The following ARHGAP6 variants were observed in gnomAD, a reference collection of about 807,000 sequenced individuals.
ARHGAP6 encodes rho GTPase-activating protein 6.
A neutral mutation model predicts 55.7 loss-of-function variants in ARHGAP6; 16 were observed. The observed-to-expected ratio is 0.29, with a 90% confidence interval of 0.19 to 0.44. The LOEUF is 0.44. ARHGAP6 is among the 20% of genes least tolerant of loss of function. ARHGAP6 has a pLI of 1.00. For synonymous variants in ARHGAP6, 382 were observed against 360.9 expected (o/e 1.06, Z -0.66); for missense variants, 698 against 808.9 (o/e 0.86, Z 1.66).
At chrX:11,514,156 T>A (rs1457217069) in intron 1 of ARHGAP6, among the ~76,000 whole-genome samples, 1 of 49,260 alleles carries the variant, frequency 2.0e-5, no homozygotes. Context: ...AGTGAAACCC[T>A]GTCTCAAAAA....
intron 10 of ARHGAP6, among the ~76,000 whole-genome samples, chrX:11,149,444 T>C (rs756306647): frequency 9.1e-6 from 1 of 110,018 alleles, no homozygotes; most frequent in South Asian, 4.1e-4. Flanking sequence ...AAAGACTTTC[T>C]TGAATGGAGT....
intron 1 of ARHGAP6, among the ~76,000 whole-genome samples, chrX:11,551,788 C>A (rs1173026139): frequency 2.3e-4 from 26 of 111,626 alleles, no homozygotes; most frequent in Admixed American, 2.1e-3. Flanking sequence ...CATCTACAAG[C>A]TAAATGATGC....
At chrX:11,546,015 G>A (rs1326478707) in intron 1 of ARHGAP6, among the ~76,000 whole-genome samples, 2 of 110,496 alleles carry the variant, frequency 1.8e-5, no homozygotes, top group African/African-American at 3.3e-5. Flanking sequence ...TTGAAGTCCT[G>A]CCTTCAAAAT....
chrX:11,265,312 C>A (rs1276740767), intron 1 of ARHGAP6, among the ~76,000 whole-genome samples: 2 of 112,250 alleles, frequency 1.8e-5, no homozygotes, highest in Admixed American at 1.9e-4. Context: ...TTTATCACAG[C>A]CACAGCAACT....
At chrX:11,170,992 C>T (rs1413050571) in intron 8 of ARHGAP6, among the ~76,000 whole-genome samples, 1 of 110,998 alleles carries the variant, frequency 9.0e-6, no homozygotes, top group African/African-American at 3.3e-5. Context: ...GATGTCCCAG[C>T]TAAGAGTCAT....
chrX:11,392,041 C>T (rs2049413828), intron 1 of ARHGAP6, among the ~76,000 whole-genome samples: 1 of 112,019 alleles, frequency 8.9e-6, no homozygotes, highest in Non-Finnish European at 1.9e-5. Flanking sequence ...AGAAGCATTC[C>T]TCAAATAAGG....
intron 1 of ARHGAP6, among the ~76,000 whole-genome samples, chrX:11,472,882 TG>T (rs767035387): frequency 9.0e-6 from 1 of 110,864 alleles, no homozygotes; most frequent in Admixed American, 9.6e-5. Flanking sequence ...TATATTCTGC[TG>T]GAGATCCACC....
At chrX:11,598,545 T>A (rs777963524) in intron 1 of ARHGAP6, among the ~76,000 whole-genome samples, 2 of 111,525 alleles carry the variant, frequency 1.8e-5, no homozygotes, top group South Asian at 7.7e-4. Flanking sequence ...TCTTCCCATG[T>A]TTATGTCCAT....
chrX:11,140,436 TAAA>T (rs749318989), intron 12 of ARHGAP6, among the ~76,000 whole-genome samples: 80 of 93,722 alleles, frequency 8.5e-4, no homozygotes, highest in African/African-American at 3.0e-3. Flanking sequence ...AAAAAAAAAT[TAAA>T]AAAAAAAAAC....
At position 11,139,259 on chromosome X, in the gene ARHGAP6, C is replaced by G; in HGVS notation, c.2529G>C (p.Leu843=). 2 of 1,196,689 alleles carry G rather than the reference C, an allele frequency of 1.7e-6. No individual in the cohort carries two copies. The highest frequency in any genetic ancestry group is 2.3e-6 in the Non-Finnish European group (2 of 888,665). The change falls in exon 13 of 13, where the codon CTG becomes CTC. Residue 843 remains leucine (L), a synonymous_variant. Coordinates refer to ENST00000337414, the MANE Select transcript of ARHGAP6 (RefSeq NM_013427.3). ...PTARSEQYLT[L]SGAHDLSESE... is the part of the protein sequence containing the mutation. ...TCTCGCTGAGGTCGTGGGCGCCGCT[C>G]AGGGTCAAGTACTGCTCCGACCTGG...
At chrX:11,504,910 G>A (rs1028907576) in intron 1 of ARHGAP6, among the ~76,000 whole-genome samples, 2 of 112,318 alleles carry the variant, frequency 1.8e-5, no homozygotes, top group Non-Finnish European at 3.8e-5. Flanking sequence ...CTTCCTTTTT[G>A]TACTTCTCCT....
intron 2 of ARHGAP6, among the ~76,000 whole-genome samples, chrX:11,251,527 G>T (rs1243663035): frequency 1.8e-5 from 2 of 111,961 alleles, no homozygotes; most frequent in Non-Finnish European, 3.8e-5. Flanking sequence ...ACAGGAGAGG[G>T]TTCTACAAAT....
chrX:11,618,168 A>T (rs2052187338), intron 1 of ARHGAP6, among the ~76,000 whole-genome samples: 1 of 111,478 alleles, frequency 9.0e-6, no homozygotes, highest in Non-Finnish European at 1.9e-5. Context: ...GCTGGAATAG[A>T]CAGTGGAACA....
At chrX:11,208,019 G>C (rs753731602) in intron 2 of ARHGAP6, among the ~76,000 whole-genome samples, 51 of 111,920 alleles carry the variant, frequency 4.6e-4, no homozygotes, top group Non-Finnish European at 2.1e-4. Context: ...AAGGGGCTTT[G>C]ATTTCCAATT....
chrX:11,303,407 C>G (rs777883304), intron 1 of ARHGAP6, among the ~76,000 whole-genome samples: 1 of 111,924 alleles, frequency 8.9e-6, no homozygotes, highest in East Asian at 2.8e-4. Context: ...TAAGATTGGG[C>G]TGGGAGTGGT....
intron 2 of ARHGAP6, among the ~76,000 whole-genome samples, chrX:11,239,934 T>G (rs1169282623): frequency 8.9e-6 from 1 of 112,203 alleles, no homozygotes; most frequent in Non-Finnish European, 1.9e-5. Flanking sequence ...ATTTCTCACT[T>G]TGAGGGCTTT....
chrX:11,202,389 C>T (rs1454002991), intron 2 of ARHGAP6, among the ~76,000 whole-genome samples: 1 of 110,915 alleles, frequency 9.0e-6, no homozygotes, highest in African/African-American at 3.3e-5. Flanking sequence ...ATCCATAGGA[C>T]CCTGGTGTGA....
At chrX:11,653,241 C>T in intron 1 of ARHGAP6, among the ~76,000 whole-genome samples, 1 of 112,384 alleles carries the variant, frequency 8.9e-6, no homozygotes, top group South Asian at 3.7e-4. Context: ...GGAATGAAGG[C>T]AGCCCCTTGG....
At chrX:11,260,329 G>A (rs779272658) in intron 1 of ARHGAP6, among the ~76,000 whole-genome samples, 1 of 111,286 alleles carries the variant, frequency 9.0e-6, no homozygotes, top group African/African-American at 3.3e-5. Flanking sequence ...GTAAGGGGGA[G>A]CATTAGAAAA....
Sources: gnomAD v4.1 joint callset for allele counts (sites outside exome capture counted in the v4.1 genomes callset) on GRCh38, gnomAD v4.1.1 for gene constraint, MANE v1.5 for transcripts, NCBI Gene and HGNC (gene_info 2026-07-23, HGNC 2026-07-21) for gene names.